ASIC2: variants seen among roughly 807,000 people sequenced by gnomAD.
The protein encoded by ASIC2 is acid-sensing ion channel 2.
In ASIC2, 25 loss-of-function variants were observed where a neutral mutation model predicts 57.3. That is an observed-to-expected ratio of 0.44 (90% confidence interval 0.32 to 0.61). The LOEUF (loss-of-function observed/expected upper bound fraction) is 0.61. ASIC2 is among the 20% of genes least tolerant of loss of function. ASIC2 has a pLI of 0.06. For synonymous variants in ASIC2, 319 were observed against 307.5 expected (o/e 1.04, Z -0.39); for missense variants, 641 against 738.1 (o/e 0.87, Z 1.52).
intron 1 of ASIC2, among the ~76,000 whole-genome samples, chr17:33,481,717 A>AAAAC (rs1913412533): frequency 6.6e-6 from 1 of 152,212 alleles, no homozygotes; most frequent in African/African-American, 2.4e-5. Context: ...AAAACAAAAC[A>AAAAC]AAACCACAGT....
chr17:33,854,240 G>GCAT (rs58282377), intron 1 of ASIC2, among the ~76,000 whole-genome samples: 17,297 of 152,088 alleles, frequency 0.11, 1,578 homozygotes, highest in African/African-American at 0.26. Context: ...CTGCACTGTA[G>GCAT]GCATGCATGC....
intron 1 of ASIC2, among the ~76,000 whole-genome samples, chr17:33,698,138 C>T (rs6505370): frequency 0.29 from 43,528 of 151,932 alleles, 6,443 homozygotes; most frequent in African/African-American, 0.36. Context: ...TTAATTTTCA[C>T]GAGGAGTTAT....
chr17:33,951,324 T>G (rs1211408224), intron 1 of ASIC2, among the ~76,000 whole-genome samples: 1 of 152,150 alleles, frequency 6.6e-6, no homozygotes, highest in African/African-American at 2.4e-5. Flanking sequence ...ATAAATATCT[T>G]GCTTAAGATC....
rs1308521690 is a variant in ASIC2 at position 33,293,231 on chromosome 17, C to T, written c.-1116G>A. ...GGCCCCAGGCGAACTTGGGCAGCGG[C>T]CGCGCGACGCTGGCGCGGCTGGGCT... is the stretch of plus-strand genomic sequence containing the variant. On this transcript the variant is annotated 5_prime_UTR_variant, in exon 1 of 10. Transcript: ENST00000225823. 6.6e-6 allele frequency among the ~76,000 whole-genome samples: 1 copy of T among 152,096 alleles called. No individual in the cohort carries two copies. Among genetic ancestry groups the T allele is most frequent in the Non-Finnish European group, 1.5e-5 (1 of 68,008 alleles).
intron 1 of ASIC2, among the ~76,000 whole-genome samples, chr17:33,742,913 G>A (rs1248385807): frequency 2.0e-5 from 3 of 152,224 alleles, no homozygotes; most frequent in Non-Finnish European, 4.4e-5. Flanking sequence ...TGGTACTGAT[G>A]CTGATTCCCC....
At chr17:33,360,458 T>C (rs1477025332) in intron 1 of ASIC2, among the ~76,000 whole-genome samples, 1 of 152,202 alleles carries the variant, frequency 6.6e-6, no homozygotes, top group Non-Finnish European at 1.5e-5. Flanking sequence ...ACTTTCTCCC[T>C]GAATGGGCTC....
Position 33,912,096 on chromosome 17 carries a change from C to T in ASIC2, c.555+243882G>A, listed in dbSNP as rs374101903. On this transcript the variant is annotated intron_variant, in intron 1 of 9. Coordinates refer to the ASIC2 transcript ENST00000359872. Reference sequence around the variant, plus strand: ...CAGAGGTTGCAGTGAGCTGAAATCACGCCATTGCACTCCAGCCTGGGTAAC... The same window carrying T: ...CAGAGGTTGCAGTGAGCTGAAATCATGCCATTGCACTCCAGCCTGGGTAAC... 2.2e-3 allele frequency among the ~76,000 whole-genome samples: 302 copies of T among 137,672 alleles called. 5 individuals are homozygous for T. The highest frequency in any genetic ancestry group is 8.1e-3 in the African/African-American group (290 of 35,768). 90.3% of individuals were successfully genotyped at this position (137,672 alleles called of 152,430 possible).
intron 1 of ASIC2, among the ~76,000 whole-genome samples, chr17:33,147,929 G>T (rs1904628309): frequency 6.6e-6 from 1 of 152,186 alleles, no homozygotes; most frequent in Non-Finnish European, 1.5e-5. Flanking sequence ...AGCTCTGTAT[G>T]TTCACTTGGA....
chr17:33,319,889 T>C (rs1027064690), intron 1 of ASIC2, among the ~76,000 whole-genome samples: 1 of 152,240 alleles, frequency 6.6e-6, no homozygotes, highest in Non-Finnish European at 1.5e-5. Flanking sequence ...GTCACTCTGT[T>C]GTACTATCAA....
chr17:33,999,877 G>A (rs914811710), intron 1 of ASIC2, among the ~76,000 whole-genome samples: 1 of 152,092 alleles, frequency 6.6e-6, no homozygotes, highest in South Asian at 2.1e-4. Context: ...ATGTTTTTAT[G>A]CTGTTAATGT....
intron 3 of ASIC2, among the ~76,000 whole-genome samples, chr17:33,045,539 G>C (rs1188871340): frequency 6.6e-6 from 1 of 152,146 alleles, no homozygotes; most frequent in African/African-American, 2.4e-5. Flanking sequence ...CTTGGCTAAT[G>C]GGGGGCTGGC....
intron 1 of ASIC2, among the ~76,000 whole-genome samples, chr17:34,084,245 A>T (rs1189625603): frequency 6.6e-6 from 1 of 151,850 alleles, no homozygotes; most frequent in African/African-American, 2.4e-5. Flanking sequence ...ACATGTGGCT[A>T]GCCAGTTTTC....
chr17:33,146,189 C>A (rs184156854), intron 1 of ASIC2, among the ~76,000 whole-genome samples: 7 of 152,218 alleles, frequency 4.6e-5, no homozygotes, highest in Non-Finnish European at 1.0e-4. Flanking sequence ...TGGAAGTCAG[C>A]AGAATGAGGA....
At chr17:34,101,823 G>T (rs1910874872) in intron 1 of ASIC2, among the ~76,000 whole-genome samples, 1 of 152,078 alleles carries the variant, frequency 6.6e-6, no homozygotes, top group South Asian at 2.1e-4. Flanking sequence ...TCAAACGTCT[G>T]CAAGTAAACA....
At chr17:33,244,661 A>G (rs1194686044) in intron 1 of ASIC2, among the ~76,000 whole-genome samples, 2 of 152,056 alleles carry the variant, frequency 1.3e-5, no homozygotes, top group Non-Finnish European at 2.9e-5. Flanking sequence ...TCCTGGCCAC[A>G]CCTTGCCCCA....
chr17:33,296,612 T>A (rs137964976), upstream of ASIC2, among the ~76,000 whole-genome samples: 2 of 152,366 alleles, frequency 1.3e-5, no homozygotes, highest in African/African-American at 2.4e-5. Flanking sequence ...CTGTGTGATG[T>A]TGTGTGCAGT....
At chr17:33,768,685 G>A (rs569864576) in intron 1 of ASIC2, among the ~76,000 whole-genome samples, 11 of 152,068 alleles carry the variant, frequency 7.2e-5, no homozygotes, top group South Asian at 2.1e-4. Context: ...ATTCCTATTC[G>A]CCTGATCTCT....
chr17:34,130,121 A>G (rs904707681), intron 1 of ASIC2, among the ~76,000 whole-genome samples: 2 of 152,214 alleles, frequency 1.3e-5, no homozygotes, highest in Non-Finnish European at 2.9e-5. Context: ...ATTCATTTGC[A>G]CATCATGAAA....
intron 1 of ASIC2, among the ~76,000 whole-genome samples, chr17:33,318,374 G>A (rs1003503190): frequency 2.6e-5 from 4 of 152,078 alleles, no homozygotes; most frequent in South Asian, 2.1e-4. Context: ...AACTGATTTC[G>A]CCTACTGCAG....
Sources: gnomAD v4.1 joint callset for allele counts (sites outside exome capture counted in the v4.1 genomes callset) on GRCh38, gnomAD v4.1.1 for gene constraint, MANE v1.5 for transcripts, NCBI Gene and HGNC (gene_info 2026-07-23, HGNC 2026-07-21) for gene names.